Variants in ANK3 observed in about 807,000 individuals in gnomAD.
ANK3 encodes the protein ankyrin 3.
In ANK3, 57 loss-of-function variants were observed where a neutral mutation model predicts 370.9. The ratio of observed to expected loss-of-function variants is 0.15; its 90% CI spans 0.12 to 0.19. The LOEUF (loss-of-function observed/expected upper bound fraction) is 0.19. ANK3 is among the 10% of genes least tolerant of loss of function. The pLI, the probability that ANK3 is intolerant of heterozygous loss-of-function variation, is 1.00. For missense variants in ANK3, 4,439 were observed against 5,302.1 expected (o/e 0.84, Z 5.06); for synonymous variants, 1,929 against 1,946.3 (o/e 0.99, Z 0.23).
At chr10:60,417,151 C>T (rs2063685913) in intron 2 of ANK3, among the ~76,000 whole-genome samples, 1 of 152,070 alleles carries the variant, frequency 6.6e-6, no homozygotes, top group East Asian at 1.9e-4. Flanking sequence ...GCTGAACTGA[C>T]AAGAAAAAGT....
At chr10:60,211,227 G>A (rs1289444219) in intron 9 of ANK3, among the ~76,000 whole-genome samples, 2 of 152,138 alleles carry the variant, frequency 1.3e-5, no homozygotes, top group Non-Finnish European at 2.9e-5. Context: ...TCAGGTAACT[G>A]CCTCCTGCTA....
chr10:60,158,649 G>T (rs915226571), intron 23 of ANK3, among the ~76,000 whole-genome samples: 1 of 148,146 alleles, frequency 6.8e-6, no homozygotes, highest in Admixed American at 6.7e-5. Flanking sequence ...TTAAAAGCAA[G>T]AAATTAAACA....
intron 1 of ANK3, among the ~76,000 whole-genome samples, chr10:60,725,154 T>A (rs2079923420): frequency 6.6e-6 from 1 of 152,172 alleles, no homozygotes; most frequent in Non-Finnish European, 1.5e-5. Context: ...GATTTAATGT[T>A]TATGTACTTC....
intron 7 of ANK3, among the ~76,000 whole-genome samples, chr10:60,258,756 T>A (rs1442920847): frequency 1.3e-5 from 2 of 152,222 alleles, no homozygotes; most frequent in Admixed American, 1.3e-4. Context: ...TATAAAGAAC[T>A]GCAAGACTTT....
At chr10:60,047,545 C>T (rs2077167961) in intron 42 of ANK3, among the ~76,000 whole-genome samples, 1 of 152,174 alleles carries the variant, frequency 6.6e-6, no homozygotes, top group African/African-American at 2.4e-5. Context: ...TAAAAACAAT[C>T]TGAAGCTTGT....
chr10:60,396,328 C>T (rs908137623), intron 2 of ANK3, among the ~76,000 whole-genome samples: 1 of 152,126 alleles, frequency 6.6e-6, no homozygotes, highest in Non-Finnish European at 1.5e-5. Flanking sequence ...GAGGAGCCAG[C>T]TGAATCAGGT....
rs141634068 is a variant in ANK3, at chr10:60,637,701, A to G, written c.58-22477T>C. Among the ~76,000 whole-genome samples the G allele has an allele frequency of 2.0e-3, 306 of 152,366 alleles. 1 individual carries two copies. The highest frequency in any genetic ancestry group is 7.0e-3 in the African/African-American group (290 of 41,598). Reference sequence around the variant, plus strand: ...AGCCTCTTCAGGGTGAAATGAGATTATAAGAGATGACATGAGAAAAATACT... The same window carrying G: ...AGCCTCTTCAGGGTGAAATGAGATTGTAAGAGATGACATGAGAAAAATACT... On this transcript the variant is annotated intron_variant, in intron 1 of 43. Transcript: ENST00000373827.
chr10:60,375,121 A>G (rs2060601286), intron 1 of ANK3, among the ~76,000 whole-genome samples: 1 of 152,232 alleles, frequency 6.6e-6, no homozygotes, highest in African/African-American at 2.4e-5. Flanking sequence ...CTCTAGGTTT[A>G]ATGTGGTTTC....
At chr10:60,438,383 G>C (rs1218394567) in intron 2 of ANK3, among the ~76,000 whole-genome samples, 1 of 152,094 alleles carries the variant, frequency 6.6e-6, no homozygotes, top group East Asian at 1.9e-4. Context: ...TACATTGAAA[G>C]GATGGGATAT....
chr10:60,094,725 TAGGTAAGTGTGAAA>T (rs57338249), intron 28 of ANK3, among the ~76,000 whole-genome samples: 92,345 of 151,328 alleles, frequency 0.61, 28,531 homozygotes, highest in East Asian at 0.81. Flanking sequence ...ACATAGATAG[TAGGTAAGTGTGAAA>T]AGGCAAAAGG....
chr10:60,467,346 T>C (rs983811388), intron 2 of ANK3, among the ~76,000 whole-genome samples: 1 of 152,176 alleles, frequency 6.6e-6, no homozygotes, highest in Non-Finnish European at 1.5e-5. Flanking sequence ...CCACTCCCCA[T>C]ACTGCCACTC....
chr10:60,130,379 T>C (rs2093995347), intron 25 of ANK3, among the ~76,000 whole-genome samples: 1 of 151,690 alleles, frequency 6.6e-6, no homozygotes, highest in Non-Finnish European at 1.5e-5. Flanking sequence ...CTGTACTTTG[T>C]ATGAGTGAGA....
chr10:60,135,923 C>G (rs2094322260), intron 24 of ANK3, among the ~76,000 whole-genome samples: 1 of 151,932 alleles, frequency 6.6e-6, no homozygotes, highest in African/African-American at 2.4e-5. Flanking sequence ...TCTCTTATCC[C>G]CAAACAACCA....
intron 2 of ANK3, among the ~76,000 whole-genome samples, chr10:60,582,006 C>A (rs1255437884): frequency 3.3e-5 from 5 of 152,004 alleles, no homozygotes. Flanking sequence ...TCATTCTCAG[C>A]AAACTAACAC....
chr10:60,477,499 T>TGACA (rs71015798), intron 2 of ANK3, among the ~76,000 whole-genome samples: 8 of 132,876 alleles, frequency 6.0e-5, no homozygotes, highest in African/African-American at 2.3e-4. Context: ...ACATACCTAC[T>TGACA]GACAGACAGA....
intron 38 of ANK3, 104 bp from the exon 39 acceptor site, chr10:60,064,392 G>T: frequency 8.2e-7 from 1 of 1,226,866 alleles, no homozygotes; most frequent in Non-Finnish European, 1.1e-6. Flanking sequence ...GAATTTTATA[G>T]TCAAGCTCAA....
intron 1 of ANK3, among the ~76,000 whole-genome samples, chr10:60,357,238 G>C (rs1436502297): frequency 6.6e-6 from 1 of 152,080 alleles, no homozygotes; most frequent in African/African-American, 2.4e-5. Context: ...GCCATACACT[G>C]GTGTGGGCAC....
intron 8 of ANK3, among the ~76,000 whole-genome samples, chr10:60,227,118 G>C (rs2097175992): frequency 6.6e-6 from 1 of 151,766 alleles, no homozygotes; most frequent in Non-Finnish European, 1.5e-5. Context: ...GCTTTCGCTT[G>C]TATGAAACAG....
At chr10:60,588,782 T>C (rs2133289819) in intron 2 of ANK3, among the ~76,000 whole-genome samples, 1 of 152,150 alleles carries the variant, frequency 6.6e-6, no homozygotes, top group East Asian at 1.9e-4. Context: ...TGGTTGTGCA[T>C]GCCTATAGTC....
Sources: allele counts gnomAD v4.1 joint callset (sites outside exome capture counted in the v4.1 genomes callset), GRCh38; gene constraint gnomAD v4.1.1; transcripts MANE v1.5; gene names NCBI Gene and HGNC (gene_info 2026-07-23, HGNC 2026-07-21).